The following SULT2A1 variants were observed in gnomAD, a reference collection of about 807,000 sequenced individuals.
SULT2A1 encodes the protein sulfotransferase family 2A member 1.
In SULT2A1, 43 loss-of-function variants were observed where a neutral mutation model predicts 33.9. The ratio of observed to expected loss-of-function variants is 1.27; its 90% CI spans 1.00 to 1.64. SULT2A1 has a LOEUF of 1.64. Ranked by LOEUF, SULT2A1 falls within the 40% of genes most tolerant of loss-of-function variation. The pLI, the probability that SULT2A1 is intolerant of heterozygous loss-of-function variation, is 0.00. For missense variants in SULT2A1, 300 were observed against 335.1 expected (o/e 0.90, Z 0.82); for synonymous variants, 125 against 113.6 (o/e 1.10, Z -0.64).
chr19:47,873,687 G>C (rs1288272636), intron 5 of SULT2A1, among the ~76,000 whole-genome samples: 1 of 122,904 alleles, frequency 8.1e-6, no homozygotes, highest in East Asian at 2.6e-4. Context: ...GCAGTGGCAC[G>C]ATCTTGGCTC....
chr19:47,874,268 C>A (rs1968520854), intron 5 of SULT2A1, among the ~76,000 whole-genome samples: 1 of 152,040 alleles, frequency 6.6e-6, no homozygotes, highest in Non-Finnish European at 1.5e-5. Context: ...TGGCCGGGCG[C>A]CGTGGCTCAT....
chr19:47,880,490 A>G (rs1342972999), intron 3 of SULT2A1, among the ~76,000 whole-genome samples: 1 of 151,800 alleles, frequency 6.6e-6, no homozygotes, highest in Admixed American at 6.6e-5. Context: ...TTCCTCATAT[A>G]CTTACCATTT....
intron 3 of SULT2A1, among the ~76,000 whole-genome samples, chr19:47,879,653 A>G (rs1968582561): frequency 6.6e-6 from 1 of 151,976 alleles, no homozygotes; most frequent in African/African-American, 2.4e-5. Flanking sequence ...GCGGGAAACC[A>G]TCATTCTGAG....
chr19:47,884,804 C>CTTTTCTT (rs1968639483), intron 1 of SULT2A1, among the ~76,000 whole-genome samples: 17 of 64,034 alleles, frequency 2.7e-4, no homozygotes, highest in African/African-American at 1.1e-3. Flanking sequence ...CTCTCAACCA[C>CTTTTCTT]TTTTTTTTTT....
In SULT2A1 at chr19:47,881,332, G is replaced by A. The variant is rs372686908; in HGVS notation, c.472+752C>T. ...ATTACAGGTGTGAGCCACCATGGCC[G>A]GCTAATTTTTTGTATTTTTAGTAGA... On this transcript the variant is annotated intron_variant, in intron 3 of 5. Transcript: ENST00000222002. Among the ~76,000 whole-genome samples the A allele has an allele frequency of 4.0e-5, 6 of 151,782 alleles. No homozygotes were observed. In the East Asian group the frequency reaches 7.8e-4, roughly 20 times the overall value.
At position 47,871,298 on chromosome 19, in the gene SULT2A1, TA is replaced by T; in HGVS notation, c.*156del. The T allele has an allele frequency of 1.6e-6, 1 of 636,494 alleles. No individual in the cohort carries two copies. The highest frequency in any genetic ancestry group is 2.7e-6 in the Non-Finnish European group (1 of 370,940). The allele number at this position is 636,494 out of a possible 1,614,324, so 39.4% of individuals were successfully genotyped here. ...AACCACCGTGCCTGGCCAACCCTGG[TA>T]ACTTTTAACAAGGAAGGGATCAGAG... is the stretch of plus-strand genomic sequence containing the variant. On this transcript the variant is annotated 3_prime_UTR_variant, in exon 6 of 6. Coordinates refer to ENST00000222002, the MANE Select transcript of SULT2A1 (RefSeq NM_003167.4).
chr19:47,879,429 G>C (rs1474434170), intron 3 of SULT2A1, among the ~76,000 whole-genome samples: 3 of 152,130 alleles, frequency 2.0e-5, no homozygotes, highest in African/African-American at 7.2e-5. Context: ...AGTTCAGTGT[G>C]GCTGGGGGAG....
intron 1 of SULT2A1, among the ~76,000 whole-genome samples, chr19:47,885,334 A>G (rs1968645832): frequency 1.3e-5 from 2 of 151,812 alleles, no homozygotes; most frequent in African/African-American, 4.8e-5. Flanking sequence ...AAGTGGAATC[A>G]CACACTATTT....
chr19:47,886,248 C>T lies in SULT2A1; in HGVS notation c.10G>A (p.Asp4Asn), dbSNP rs750713459. MSD[D>N]FLWFEGIAFP... ...GCTATGCCTTCAAACCATAAGAAAT[C>T]GTCCGACATGATGATGACCTCTTCC... Residue 4 changes from aspartate (D) to asparagine (N), a missense_variant, in exon 1 of 6, where the codon GAT (aspartate) becomes AAT (asparagine). Coordinates refer to ENST00000222002, the MANE Select transcript of SULT2A1 (RefSeq NM_003167.4). 8.1e-6 allele frequency: 13 copies of T among 1,613,898 alleles called. No individual in the cohort carries two copies. Among genetic ancestry groups the T allele is most frequent in the Admixed American group, 1.7e-5 (1 of 59,986 alleles).
At chr19:47,881,641 C>T (rs1055503543) in intron 3 of SULT2A1, among the ~76,000 whole-genome samples, 4 of 152,002 alleles carry the variant, frequency 2.6e-5, no homozygotes, top group South Asian at 2.1e-4. Flanking sequence ...CCCAGGAATT[C>T]TGCATAACTA....
chr19:47,874,116 C>T (rs1326485066), intron 5 of SULT2A1, among the ~76,000 whole-genome samples: 2 of 152,138 alleles, frequency 1.3e-5, no homozygotes, highest in East Asian at 3.9e-4. Flanking sequence ...ATCTGAATGA[C>T]CTCACGTAAG....
intron 3 of SULT2A1, 41 bp from the exon 4 acceptor site, chr19:47,879,171 A>G (rs901719748): frequency 2.5e-6 from 3 of 1,189,334 alleles, no homozygotes; most frequent in African/African-American, 1.5e-5. Flanking sequence ...TACAAATTTT[A>G]TGAGAGCAGG....
chr19:47,883,036 C>T (rs1357954993), intron 2 of SULT2A1, among the ~76,000 whole-genome samples: 1 of 152,130 alleles, frequency 6.6e-6, no homozygotes, highest in Non-Finnish European at 1.5e-5. Flanking sequence ...GTGATCACCC[C>T]TCTGCCCCAT....
intron 2 of SULT2A1, among the ~76,000 whole-genome samples, chr19:47,882,944 C>A (rs758493232): frequency 2.0e-5 from 3 of 151,932 alleles, no homozygotes; most frequent in Non-Finnish European, 2.9e-5. Flanking sequence ...ATAATTCACA[C>A]ACCTATAAAC....
chr19:47,874,515 G>C (rs998032210), intron 5 of SULT2A1, 142 bp downstream of exon 5: 1 of 669,762 alleles, frequency 1.5e-6, no homozygotes, highest in Admixed American at 3.3e-5. Flanking sequence ...ACTCCAGCCT[G>C]GGTGATAGAG....
Position 47,883,640 on chromosome 19 carries a change from A to G in SULT2A1, c.282T>C (p.Arg94=), listed in dbSNP as rs1222891944. ...YTALSETESP[R]LFSSHLPIQL... is the part of the protein sequence containing the mutation. ...GGATGGGGAGGTGGGAGGAGAATAA[A>G]CGTGGACTCTCCGTTTCACTGAGTG... Residue 94 remains arginine, a synonymous_variant, in exon 2 of 6, where the codon CGT becomes CGC. Transcript: ENST00000222002. 2 of 1,613,902 alleles carry G rather than the reference A, an allele frequency of 1.2e-6. No individual in the cohort carries two copies. Among genetic ancestry groups the G allele is most frequent in the Admixed American group, 3.3e-5 (2 of 59,946 alleles).
chr19:47,874,923 AGGC>A, intron 4 of SULT2A1, 89 bp from the exon 5 acceptor site: 11 of 1,198,416 alleles, frequency 9.2e-6, no homozygotes, highest in Middle Eastern at 2.6e-4. Context: ...GCACTCTGGG[AGGC>A]TGAGGCGGTT....
At chr19:47,871,941 G>A (rs560808529) in intron 5 of SULT2A1, among the ~76,000 whole-genome samples, 2 of 150,568 alleles carry the variant, frequency 1.3e-5, no homozygotes, top group East Asian at 2.0e-4. Flanking sequence ...TTGTAGAGAC[G>A]GAGTCTTGCT....
chr19:47,871,255 G>T lies in SULT2A1; in HGVS notation c.*200C>A, dbSNP rs1020726864. The T allele has an allele frequency of 3.1e-5, 17 of 552,290 alleles. No individual in the cohort carries two copies. The highest frequency in any genetic ancestry group is 5.5e-5 in the Non-Finnish European group (17 of 311,898). The allele number at this position is 552,290 out of a possible 1,614,324, so 34.2% of individuals were successfully genotyped here. A position where few individuals can be genotyped will look rare whatever the true frequency, so the allele number is the denominator to read the frequency against. ...TCCGCCCGTCTCGGCCTCCCATAGT[G>T]CTGGGATTACAGGCATGAACCACCG... On this transcript the variant is annotated 3_prime_UTR_variant, in exon 6 of 6. Transcript: ENST00000222002.
Sources: gnomAD v4.1 joint callset for allele counts (sites outside exome capture counted in the v4.1 genomes callset) on GRCh38, gnomAD v4.1.1 for gene constraint, MANE v1.5 for transcripts, NCBI Gene and HGNC (gene_info 2026-07-23, HGNC 2026-07-21) for gene names.